Variants in ARHGAP22 observed in about 807,000 individuals in gnomAD.
The protein encoded by ARHGAP22 is Rho GTPase activating protein 22.
In ARHGAP22, 48 loss-of-function variants were observed where a neutral mutation model predicts 59.1. The observed-to-expected ratio is 0.81, with a 90% CI of 0.64 to 1.03. The LOEUF (loss-of-function observed/expected upper bound fraction) is 1.03. Ranked by LOEUF, ARHGAP22 falls within the 50% of genes least tolerant of loss-of-function variation. The probability of loss-of-function intolerance (pLI) is 0.00; values close to 1 mark genes in which losing one functional copy is unlikely to be tolerated. For synonymous variants in ARHGAP22, 445 were observed against 416.4 expected (o/e 1.07, Z -0.84); for missense variants, 1,015 against 958.7 (o/e 1.06, Z -0.78).
upstream of ARHGAP22, among the ~76,000 whole-genome samples, chr10:48,608,553 G>A (rs568236926): frequency 6.6e-6 from 1 of 152,320 alleles, no homozygotes; most frequent in South Asian, 2.1e-4. Context: ...CTGGCTTTGT[G>A]ATGCCTGCCC....
chr10:48,635,750 C>T (rs946519862), intron 1 of ARHGAP22, among the ~76,000 whole-genome samples: 82 of 152,334 alleles, frequency 5.4e-4, no homozygotes, highest in African/African-American at 1.9e-3. Flanking sequence ...CCCATCAGTC[C>T]TGCTTCCTGG....
intron 2 of ARHGAP22, chr10:48,575,329 A>T (rs950222881): frequency 1.3e-5 from 2 of 152,220 alleles, no homozygotes; most frequent in Non-Finnish European, 2.9e-5. Context: ...GAGTTCATGA[A>T]AGCAACATTT....
intron 2 of ARHGAP22, among the ~76,000 whole-genome samples, chr10:48,568,851 A>G (rs543958481): frequency 6.6e-6 from 1 of 152,256 alleles, no homozygotes; most frequent in East Asian, 1.9e-4. Context: ...CTGCTCTTCC[A>G]TGCCATGGTC....
At chr10:48,517,842 C>T (rs1366088025) in intron 3 of ARHGAP22, among the ~76,000 whole-genome samples, 3 of 152,166 alleles carry the variant, frequency 2.0e-5, no homozygotes, top group Non-Finnish European at 1.5e-5. Flanking sequence ...TAGAGATCAT[C>T]GAGTTACGCT....
At chr10:48,524,284 C>A in intron 3 of ARHGAP22, 1 of 187,270 alleles carries the variant, frequency 5.3e-6, no homozygotes, top group South Asian at 1.8e-4. Flanking sequence ...GCGGGCATGC[C>A]GGCCTCCGGG....
Position 48,450,464 on chromosome 10 carries a change from G to A in ARHGAP22, c.1665C>T (p.Pro555=), listed in dbSNP as rs1378703308. The A allele has an allele frequency of 1.3e-6, 2 of 1,543,396 alleles. No individual in the cohort carries two copies. Among genetic ancestry groups the A allele is most frequent in the Admixed American group, 1.9e-5 (1 of 51,796 alleles). Residue 555 remains proline, a synonymous_variant, in exon 9 of 10, where the codon CCC becomes CCT. Transcript: ENST00000249601. The part of the protein sequence containing the change: ...TDWALEPSPL[P]SSSEDPKSLD... ...GGGACTTGGGGTCCTCGCTGCTGCT[G>A]GGGAGCGGGGAGGGCTCCAGGGCCC...
intron 2 of ARHGAP22, chr10:48,575,662 GA>G (rs2058666195): frequency 6.6e-6 from 1 of 151,828 alleles, no homozygotes; most frequent in Non-Finnish European, 1.5e-5. Flanking sequence ...TATTCTCCTG[GA>G]AAAAAAATAA....
intron 4 of ARHGAP22, among the ~76,000 whole-genome samples, chr10:48,465,661 G>T (rs1257731898): frequency 6.6e-6 from 1 of 152,260 alleles, no homozygotes. Context: ...GCAGAGTGCA[G>T]CTGCGCAGCA....
chr10:48,493,341 G>A (rs11812546), intron 3 of ARHGAP22: 219,757 of 1,249,320 alleles, frequency 0.18, 20,534 homozygotes, highest in African/African-American at 0.27. Context: ...ACCTGGTTGC[G>A]GCCACCAAAC....
intron 1 of ARHGAP22, among the ~76,000 whole-genome samples, chr10:48,591,198 C>G (rs992393608): frequency 5.3e-5 from 8 of 152,256 alleles, no homozygotes; most frequent in African/African-American, 1.9e-4. Flanking sequence ...AGCCCGCAGA[C>G]TCAAAAAGAA....
At chr10:48,520,028 C>T (rs192986888) in intron 3 of ARHGAP22, among the ~76,000 whole-genome samples, 61 of 152,262 alleles carry the variant, frequency 4.0e-4, no homozygotes, top group African/African-American at 1.4e-3. Flanking sequence ...ACAGGTGTTG[C>T]GGTGGCCTCC....
intron 1 of ARHGAP22, among the ~76,000 whole-genome samples, chr10:48,591,230 C>T (rs779816766): frequency 2.0e-5 from 3 of 152,168 alleles, no homozygotes; most frequent in Admixed American, 6.5e-5. Flanking sequence ...GATGAAAACA[C>T]GTTAACACAA....
chr10:48,444,153 G>A (rs1187314471), downstream of ARHGAP22: 1 of 152,142 alleles, frequency 6.6e-6, no homozygotes, highest in African/African-American at 2.4e-5. Flanking sequence ...CTAGGGTTTC[G>A]ATGAATCAAT....
chr10:48,503,617 T>A (rs2051766900), intron 3 of ARHGAP22, among the ~76,000 whole-genome samples: 2 of 152,240 alleles, frequency 1.3e-5, no homozygotes, highest in African/African-American at 4.8e-5. Flanking sequence ...CCGCTGTCCT[T>A]CCCTACCATC....
At chr10:48,612,836 C>A (rs985971180) in intron 1 of ARHGAP22, among the ~76,000 whole-genome samples, 1 of 152,172 alleles carries the variant, frequency 6.6e-6, no homozygotes, top group East Asian at 1.9e-4. Flanking sequence ...ACAGATGGTG[C>A]AGTCCCCCAC....
In ARHGAP22 at chr10:48,616,174, G is replaced by A. The variant is rs144517175; in HGVS notation, c.53-33022C>T. 2.8e-3 allele frequency among the ~76,000 whole-genome samples: 420 copies of A among 152,200 alleles called. 1 individual carries two copies. The highest frequency in any genetic ancestry group is 7.9e-3 in the African/African-American group (328 of 41,536). ...TTCCAGTAGTATGTGCTCATTTAGC[G>A]TCTTGGTGTCAACATTTTTTGGCAA... On this transcript the variant is annotated intron_variant, in intron 1 of 9. Transcript: ENST00000435790.
At chr10:48,572,098 C>T (rs375857570) in intron 2 of ARHGAP22, among the ~76,000 whole-genome samples, 1 of 152,096 alleles carries the variant, frequency 6.6e-6, no homozygotes, top group South Asian at 2.1e-4. Context: ...ACACCACATC[C>T]GACCAGCAAT....
chr10:48,581,697 T>A (rs376122888), intron 2 of ARHGAP22, among the ~76,000 whole-genome samples: 9 of 152,392 alleles, frequency 5.9e-5, no homozygotes, highest in African/African-American at 2.2e-4. Flanking sequence ...GAACCACTTT[T>A]AAATATATAG....
chr10:48,603,023 C>T (rs929773179), intron 1 of ARHGAP22, among the ~76,000 whole-genome samples: 11 of 152,146 alleles, frequency 7.2e-5, no homozygotes, highest in East Asian at 5.8e-4. Context: ...GGGGAAAGAA[C>T]GATGTGCAAA....
Sources: gnomAD v4.1 joint callset for allele counts (sites outside exome capture counted in the v4.1 genomes callset) on GRCh38, gnomAD v4.1.1 for gene constraint, MANE v1.5 for transcripts, NCBI Gene and HGNC (gene_info 2026-07-23, HGNC 2026-07-21) for gene names.